Variants in PCDHA12 observed in about 807,000 individuals in gnomAD.
PCDHA12 encodes the protein protocadherin alpha 12.
PCDHA12 carries 44 observed loss-of-function variants against 60.0 expected under a neutral mutation model. The ratio of observed to expected loss-of-function variants is 0.73; its 90% CI spans 0.58 to 0.94. The LOEUF is 0.94. PCDHA12 is among the 40% of genes least tolerant of loss of function. The pLI is 0.00. For synonymous variants in PCDHA12, 569 were observed against 553.0 expected, an observed-to-expected ratio of 1.03 and a Z score of -0.40; for missense variants, 1,276 against 1,239.7, an observed-to-expected ratio of 1.03 and a Z score of -0.44.
chr5:140,928,106 G>GGGA lies in PCDHA12; in HGVS notation c.2367+50269_2367+50271dup, dbSNP rs2084940814. The stretch of plus-strand genomic sequence containing the variant: ...CTGCTGATTGATGGGCCCCTGGACC[G>GGGA]GGAGCAGATCAGTGAATACCAAGTC... On this transcript the variant is annotated intron_variant, in intron 1 of 3. Coordinates refer to ENST00000398631, the MANE Select transcript of PCDHA12 (RefSeq NM_018903.4). The GGGA allele has an allele frequency of 1.9e-6, 3 of 1,614,032 alleles. No individual in the cohort carries two copies. In the South Asian group the frequency reaches 3.3e-5, roughly 18 times the overall value.
intron 3 of PCDHA12, among the ~76,000 whole-genome samples, chr5:140,988,281 A>G (rs2097291171): frequency 2.0e-5 from 3 of 152,202 alleles, no homozygotes; most frequent in Admixed American, 2.0e-4. Context: ...GTCACCTGCC[A>G]TCTGACAGCC....
intron 1 of PCDHA12, among the ~76,000 whole-genome samples, chr5:140,923,207 A>G (rs2081229144): frequency 6.6e-6 from 1 of 152,144 alleles, no homozygotes. Flanking sequence ...TGGGAGGCTA[A>G]GGTGAAAGGA....
intron 1 of PCDHA12, among the ~76,000 whole-genome samples, chr5:140,924,394 T>A (rs973977224): frequency 2.0e-5 from 3 of 152,176 alleles, no homozygotes; most frequent in Admixed American, 2.0e-4. Context: ...CTACTTATAT[T>A]GCCTTATATC....
chr5:140,969,803 T>G, intron 1 of PCDHA12, among the ~76,000 whole-genome samples: 1 of 152,248 alleles, frequency 6.6e-6, no homozygotes, highest in South Asian at 2.1e-4. Context: ...ATCTGCTGTC[T>G]CTGTTTATAC....
intron 1 of PCDHA12, among the ~76,000 whole-genome samples, chr5:140,923,319 A>G (rs1004006693): frequency 1.1e-4 from 16 of 152,264 alleles, no homozygotes; most frequent in African/African-American, 3.9e-4. Flanking sequence ...TTGGCCTAGA[A>G]GTTCAAGGAC....
At chr5:140,884,864 T>C (rs1048751495) in intron 1 of PCDHA12, among the ~76,000 whole-genome samples, 1 of 152,234 alleles carries the variant, frequency 6.6e-6, no homozygotes, top group African/African-American at 2.4e-5. Flanking sequence ...TCACAAACCA[T>C]AATGAAATGT....
At chr5:140,893,434 C>G (rs1554185617) in intron 1 of PCDHA12, among the ~76,000 whole-genome samples, 1 of 152,042 alleles carries the variant, frequency 6.6e-6, no homozygotes, top group African/African-American at 2.4e-5. Context: ...AGGAAGATCG[C>G]TTGAAGCCAG....
chr5:140,986,195 A>G (rs1200850544), intron 3 of PCDHA12, among the ~76,000 whole-genome samples: 1 of 152,314 alleles, frequency 6.6e-6, no homozygotes, highest in Non-Finnish European at 1.5e-5. Context: ...TAAATTGGTT[A>G]ATCCTGATTA....
At chr5:140,901,643 G>A (rs1011127972) in intron 1 of PCDHA12, among the ~76,000 whole-genome samples, 7 of 151,908 alleles carry the variant, frequency 4.6e-5, no homozygotes, top group Non-Finnish European at 8.8e-5. Context: ...TGATTCTTCC[G>A]GTTTTGTTCT....
intron 1 of PCDHA12, among the ~76,000 whole-genome samples, chr5:140,961,327 AGAGACCAAGAGTG>A (rs1375426442): frequency 6.6e-6 from 1 of 152,206 alleles, no homozygotes. Context: ...CTGTTTCTTG[AGAGACCAAGAGTG>A]GATCCCTGTA....
chr5:140,890,128 G>T (rs1402157838), intron 1 of PCDHA12, among the ~76,000 whole-genome samples: 2 of 152,156 alleles, frequency 1.3e-5, no homozygotes, highest in East Asian at 3.9e-4. Context: ...CACTTTGGTA[G>T]CTTGAAATTG....
rs545409584 is a variant in PCDHA12, at chr5:140,952,105, G to A, written c.2368-26844G>A. 3.3e-5 allele frequency among the ~76,000 whole-genome samples: 5 copies of A among 152,218 alleles called. 1 individual carries two copies. Among genetic ancestry groups the A allele is most frequent in the African/African-American group, 4.8e-5 (2 of 41,536 alleles). ...CATGTCTCACATCCAGGGCACACTC[G>A]TGTGAGGGATGGGCTCCCAAGGCCT... is the stretch of plus-strand genomic sequence containing the variant. On this transcript the variant is annotated intron_variant, in intron 1 of 3. Coordinates refer to ENST00000398631, the MANE Select transcript of PCDHA12 (RefSeq NM_018903.4).
At chr5:140,952,349 A>T (rs1554220373) in intron 1 of PCDHA12, among the ~76,000 whole-genome samples, 2 of 152,000 alleles carry the variant, frequency 1.3e-5, no homozygotes, top group African/African-American at 4.8e-5. Flanking sequence ...AAAAAAAAAA[A>T]AAAAAGAAAG....
At chr5:140,970,815 A>G (rs782758365) in intron 1 of PCDHA12, among the ~76,000 whole-genome samples, 2 of 152,114 alleles carry the variant, frequency 1.3e-5, no homozygotes, top group Non-Finnish European at 2.9e-5. Flanking sequence ...TTTCAAGTTC[A>G]TGGTAATCTT....
At chr5:140,912,441 G>A (rs1460671133) in intron 1 of PCDHA12, among the ~76,000 whole-genome samples, 2 of 151,478 alleles carry the variant, frequency 1.3e-5, no homozygotes, top group Non-Finnish European at 2.9e-5. Flanking sequence ...GCTGATTTGT[G>A]TGCATTGATT....
intron 3 of PCDHA12, among the ~76,000 whole-genome samples, chr5:140,997,912 A>T (rs2097790316): frequency 1.3e-5 from 2 of 152,224 alleles, no homozygotes. Context: ...GTAGAATTAC[A>T]GAATCATAGG....
At chr5:140,883,331 T>C (rs782330597) in intron 1 of PCDHA12, 1 of 1,614,064 alleles carries the variant, frequency 6.2e-7, no homozygotes, top group East Asian at 2.2e-5. Flanking sequence ...CATCACTTCT[T>C]TGTCACTCCC....
rs1554206642 is a variant in PCDHA12, at chr5:140,929,061, G to C, written c.2368-49888G>C. The C allele has an allele frequency of 3.1e-6, 5 of 1,614,196 alleles. No individual in the cohort carries two copies. In the South Asian group the frequency reaches 5.5e-5, roughly 18 times the overall value. On this transcript the variant is annotated intron_variant, in intron 1 of 3. Transcript: ENST00000398631. Reference sequence around the variant, plus strand: ...CTCAGAGCTGCTGTCGCTCTACAGAGGATCTGAGGTATGGAAGTAAGATGG... The same window carrying C: ...CTCAGAGCTGCTGTCGCTCTACAGACGATCTGAGGTATGGAAGTAAGATGG...
chr5:140,898,147 C>G (rs2066556304), intron 1 of PCDHA12, among the ~76,000 whole-genome samples: 1 of 152,150 alleles, frequency 6.6e-6, no homozygotes, highest in Non-Finnish European at 1.5e-5. Context: ...GTTGCCTGTT[C>G]ACGCTGATGG....
Sources: gnomAD v4.1 joint callset for allele counts (sites outside exome capture counted in the v4.1 genomes callset) on GRCh38, gnomAD v4.1.1 for gene constraint, MANE v1.5 for transcripts, NCBI Gene and HGNC (gene_info 2026-07-23, HGNC 2026-07-21) for gene names.